Variants in IGSF21 observed in about 807,000 individuals in gnomAD.
IGSF21 encodes the protein immunoglobin superfamily member 21.
A neutral mutation model predicts 46.8 loss-of-function variants in IGSF21; 28 were observed. That is an observed-to-expected ratio of 0.60 (90% CI 0.44 to 0.82). The LOEUF is 0.82. IGSF21 is among the 40% of genes least tolerant of loss of function. The probability of loss-of-function intolerance (pLI) is 0.00; values close to 1 mark genes in which losing one functional copy is unlikely to be tolerated. For missense variants in IGSF21, 624 were observed against 665.5 expected, an observed-to-expected ratio of 0.94 and a Z score of 0.69; for synonymous variants, 284 against 273.6, an observed-to-expected ratio of 1.04 and a Z score of -0.38.
At position 18,365,493 on chromosome 1, in the gene IGSF21, A is replaced by G. The variant is rs746137134; in HGVS notation, c.811A>G (p.Ser271Gly). The change falls in exon 6 of 10, where the codon AGC (serine) becomes GGC (glycine). Residue 271 changes from serine to glycine, a missense_variant. Transcript: ENST00000251296. The surrounding 1 kb of genome is among the most constrained non-coding windows in gnomAD (Gnocchi z 4.8). ...AGAGAACATACCAGAGACGGTCGTG[A>G]GCCGTGAGTTTCCCCGCTGGGTCCA... ...TTENIPETVV[S>G]REFPRWVHSA... 5 of 1,613,580 alleles carry G rather than the reference A, an allele frequency of 3.1e-6. No homozygotes were observed. The South Asian group carries it at 5.5e-5, about 18-fold the overall frequency.
At chr1:18,254,659 G>A (rs1381055878) in intron 2 of IGSF21, among the ~76,000 whole-genome samples, 3 of 152,274 alleles carry the variant, frequency 2.0e-5, no homozygotes, top group Non-Finnish European at 4.4e-5. Context: ...CTCAGGTTGT[G>A]GCTGATGGAC....
intron 2 of IGSF21, among the ~76,000 whole-genome samples, chr1:18,282,635 TAC>T (rs10522294): frequency 0.017 from 2,383 of 137,144 alleles, 29 homozygotes; most frequent in African/African-American, 0.041. Context: ...TCCCCTTACA[TAC>T]ACACACACAC....
At chr1:18,256,305 C>T (rs2084892140) in intron 2 of IGSF21, among the ~76,000 whole-genome samples, 1 of 152,228 alleles carries the variant, frequency 6.6e-6, no homozygotes, top group Non-Finnish European at 1.5e-5. Flanking sequence ...CAATGGTTCC[C>T]TGTGATTCCT....
chr1:18,243,140 G>T (rs1443048905), intron 2 of IGSF21, among the ~76,000 whole-genome samples: 1 of 152,176 alleles, frequency 6.6e-6, no homozygotes, highest in Non-Finnish European at 1.5e-5. Flanking sequence ...GAACAGTCAA[G>T]AAATTTTAAA....
At chr1:18,245,900 T>G (rs1282248400) in intron 2 of IGSF21, among the ~76,000 whole-genome samples, 5 of 152,222 alleles carry the variant, frequency 3.3e-5, no homozygotes, top group Non-Finnish European at 7.3e-5. Flanking sequence ...GGCTGCCTCC[T>G]GACCGATGAC....
intron 3 of IGSF21, among the ~76,000 whole-genome samples, chr1:18,306,447 T>C (rs1022289331): frequency 6.6e-6 from 1 of 152,202 alleles, no homozygotes; most frequent in Non-Finnish European, 1.5e-5. Flanking sequence ...TGTTTGCTTG[T>C]TTTTTAAAGC....
chr1:18,279,265 T>A (rs2085135089), intron 2 of IGSF21, among the ~76,000 whole-genome samples: 1 of 152,200 alleles, frequency 6.6e-6, no homozygotes, highest in Admixed American at 6.5e-5. Flanking sequence ...AGCTGATACA[T>A]CTCTTCCATC....
At chr1:18,172,246 G>A (rs1045237772) in intron 1 of IGSF21, among the ~76,000 whole-genome samples, 5 of 152,194 alleles carry the variant, frequency 3.3e-5, no homozygotes, top group African/African-American at 1.2e-4. Context: ...TACCTGAGAT[G>A]GAAGCATCTA....
At chr1:18,256,833 C>T (rs2084897107) in intron 2 of IGSF21, among the ~76,000 whole-genome samples, 3 of 152,208 alleles carry the variant, frequency 2.0e-5, no homozygotes, top group South Asian at 2.1e-4. Flanking sequence ...TCCCCTCTTC[C>T]TCCATCTTTT....
At chr1:18,248,291 A>G (rs1250894582) in intron 2 of IGSF21, among the ~76,000 whole-genome samples, 1 of 152,206 alleles carries the variant, frequency 6.6e-6, no homozygotes, top group Non-Finnish European at 1.5e-5. Context: ...AGACACTGCA[A>G]CGCATTTCGA....
intron 1 of IGSF21, among the ~76,000 whole-genome samples, chr1:18,198,168 T>G (rs1384532397): frequency 6.6e-6 from 1 of 152,242 alleles, no homozygotes; most frequent in Admixed American, 6.5e-5. Context: ...CAGTATAATC[T>G]GTCTCGAAGT....
chr1:18,121,735 G>A (rs1018195834), intron 1 of IGSF21, among the ~76,000 whole-genome samples: 1 of 152,106 alleles, frequency 6.6e-6, no homozygotes, highest in African/African-American at 2.4e-5. Context: ...CCTTTAGGAG[G>A]AGATGGGTTG....
At chr1:18,190,033 A>T (rs1026693851) in intron 1 of IGSF21, among the ~76,000 whole-genome samples, 5 of 152,104 alleles carry the variant, frequency 3.3e-5, no homozygotes, top group African/African-American at 1.2e-4. Flanking sequence ...TTGGTGGGCC[A>T]CCCTCAGCCC....
At chr1:18,367,148 T>C (rs975714355) in intron 6 of IGSF21, among the ~76,000 whole-genome samples, 6 of 152,206 alleles carry the variant, frequency 3.9e-5, no homozygotes, top group African/African-American at 1.4e-4. Context: ...AGGCCACTCA[T>C]GACCAAGGAC....
chr1:18,158,356 C>T (rs1244916613), intron 1 of IGSF21, among the ~76,000 whole-genome samples: 1 of 152,166 alleles, frequency 6.6e-6, no homozygotes, highest in South Asian at 2.1e-4. Context: ...TGCAAATCAG[C>T]GAGGTAAGAG....
At chr1:18,193,864 G>T (rs2086981826) in intron 1 of IGSF21, among the ~76,000 whole-genome samples, 1 of 152,184 alleles carries the variant, frequency 6.6e-6, no homozygotes, top group Non-Finnish European at 1.5e-5. Context: ...TACAAATATG[G>T]TTTAGCCTAC....
chr1:18,120,186 G>A (rs1362392234), intron 1 of IGSF21, among the ~76,000 whole-genome samples: 1 of 152,224 alleles, frequency 6.6e-6, no homozygotes, highest in Non-Finnish European at 1.5e-5. Flanking sequence ...GGATGGTGCA[G>A]CCCCTTGGAG....
chr1:18,151,960 G>A (rs889020966), intron 1 of IGSF21, among the ~76,000 whole-genome samples: 1 of 152,134 alleles, frequency 6.6e-6, no homozygotes, highest in Non-Finnish European at 1.5e-5. Flanking sequence ...TTTGGGGCAC[G>A]TGGTCACCCT....
intron 1 of IGSF21, among the ~76,000 whole-genome samples, chr1:18,132,190 TGGA>T (rs2086327812): frequency 1.3e-5 from 2 of 151,952 alleles, no homozygotes; most frequent in Non-Finnish European, 2.9e-5. Context: ...GATGGATGGA[TGGA>T]TGGATGGATG....
Sources: gnomAD v4.1 joint callset for allele counts (sites outside exome capture counted in the v4.1 genomes callset) on GRCh38, gnomAD v4.1.1 for gene constraint, Gnocchi (gnomAD v3.1) non-coding constraint, MANE v1.5 for transcripts, NCBI Gene and HGNC (gene_info 2026-07-23, HGNC 2026-07-21) for gene names.